Variants in PROKR2 observed in about 807,000 individuals in gnomAD.
PROKR2 encodes the protein prokineticin receptor 2, also known as G protein-coupled receptor 73-like 1.
Under a neutral mutation model 23.4 loss-of-function variants are expected in PROKR2, and 26 were observed. The observed-to-expected ratio is 1.11, with a 90% CI of 0.81 to 1.54. PROKR2 has a LOEUF of 1.54. Among genes scored for constraint, PROKR2 ranks in the 40% most tolerant of loss-of-function variants. The pLI is 0.00. For missense variants in PROKR2, 453 were observed against 511.5 expected (o/e 0.89, Z 1.10); for synonymous variants, 212 against 201.2 (o/e 1.05, Z -0.45).
At chr20:5,309,795 G>A (rs552565064) in intron 2 of PROKR2, among the ~76,000 whole-genome samples, 1,893 of 145,348 alleles carry the variant, frequency 0.013, 42 homozygotes, top group African/African-American at 0.046. Flanking sequence ...ACCATAAAAA[G>A]TATTTCAATA....
intron 2 of PROKR2, among the ~76,000 whole-genome samples, chr20:5,313,325 C>A (rs1330378205): frequency 6.6e-6 from 1 of 152,144 alleles, no homozygotes; most frequent in Non-Finnish European, 1.5e-5. Flanking sequence ...CACAAACAAA[C>A]CCTGTTATCT....
In PROKR2 at chr20:5,301,977, G is replaced by T; in HGVS notation, c.*63C>A. 5 of 1,456,364 alleles carry T rather than the reference G, an allele frequency of 3.4e-6. No homozygotes were observed. The South Asian group carries it at 4.7e-5, about 14-fold the overall frequency. 90.2% of individuals were successfully genotyped at this position (1,456,364 alleles called of 1,614,324 possible). A position where few individuals can be genotyped will look rare whatever the true frequency, so the allele number is the denominator to read the frequency against. On this transcript the variant is annotated 3_prime_UTR_variant, in exon 3 of 3. Coordinates refer to ENST00000678254, the MANE Select transcript of PROKR2 (RefSeq NM_144773.4). ...CATTTCCCATGCAGCCTATGAACTT[G>T]GTTGATGGTGGGTGATGCTCTGAGT...
At chr20:5,304,049 C>T in intron 2 of PROKR2, among the ~76,000 whole-genome samples, 2 of 152,142 alleles carry the variant, frequency 1.3e-5, no homozygotes, top group Non-Finnish European at 2.9e-5. Flanking sequence ...AGAGGTTCAT[C>T]CCTACTCTTC....
intron 2 of PROKR2, among the ~76,000 whole-genome samples, chr20:5,304,879 G>C (rs746888739): frequency 2.6e-5 from 4 of 152,146 alleles, no homozygotes; most frequent in Non-Finnish European, 4.4e-5. Flanking sequence ...AGCACATTTA[G>C]TTGATTATAT....
intron 2 of PROKR2, among the ~76,000 whole-genome samples, chr20:5,308,343 C>T (rs1382809326): frequency 6.6e-6 from 1 of 152,214 alleles, no homozygotes; most frequent in African/African-American, 2.4e-5. Flanking sequence ...ACCTGGCCCG[C>T]CCAGGGCAGA....
chr20:5,316,403 C>A lies in PROKR2; in HGVS notation c.-9+91G>T, dbSNP rs1461646100. On this transcript the variant is annotated intron_variant, in intron 1 of 2. Coordinates refer to ENST00000678254, the MANE Select transcript of PROKR2 (RefSeq NM_144773.4). The surrounding 1 kb of genome is among the most constrained non-coding windows in gnomAD (Gnocchi z 5.0). ...CGGGAGGCAAAGCAGCCGGAATGCC[C>A]GAGAAAAAAGTGGGCGTCAGAGGCC... 3 of 456,114 alleles carry A rather than the reference C, an allele frequency of 6.6e-6. No homozygotes were observed. The highest frequency in any genetic ancestry group is 1.3e-5 in the Non-Finnish European group (3 of 226,810). The allele number at this position is 456,114 out of a possible 1,614,324, so 28.3% of individuals were successfully genotyped here. A position where few individuals can be genotyped will look rare whatever the true frequency, so the allele number is the denominator to read the frequency against.
chr20:5,305,390 A>C (rs1271682824), intron 2 of PROKR2, among the ~76,000 whole-genome samples: 3 of 152,222 alleles, frequency 2.0e-5, no homozygotes, highest in Non-Finnish European at 4.4e-5. Context: ...AGCGGGGACG[A>C]TAGGATTACT....
Position 5,300,048 on chromosome 20 carries a change from C to T in PROKR2, c.*1992G>A, listed in dbSNP as rs1328038119. Among the ~76,000 whole-genome samples, 1 of 152,176 alleles carries T rather than the reference C, an allele frequency of 6.6e-6. No individual in the cohort carries two copies. Among genetic ancestry groups the T allele is most frequent in the African/African-American group, 2.4e-5 (1 of 41,444 alleles). On this transcript the variant is annotated 3_prime_UTR_variant, in exon 3 of 3. Transcript: ENST00000678254. ...CAAATAATAGAAACAATCAAACAAG[C>T]AAACAATTAATTCCTTGTCTATAAA...
intron 2 of PROKR2, among the ~76,000 whole-genome samples, chr20:5,312,860 T>C (rs1294089644): frequency 6.6e-6 from 1 of 152,218 alleles, no homozygotes; most frequent in Non-Finnish European, 1.5e-5. Flanking sequence ...AGATTTGTCA[T>C]AAACTGCTAT....
chr20:5,313,820 C>T, intron 2 of PROKR2, 92 bp downstream of exon 2: 2 of 1,096,188 alleles, frequency 1.8e-6, no homozygotes, highest in Non-Finnish European at 2.7e-6. Flanking sequence ...GGTGAGCATT[C>T]CTATCTGGAG....
At position 5,316,572 on chromosome 20, in the gene PROKR2, G is replaced by A. The variant is rs1194312952; in HGVS notation, c.-87C>T. On this transcript the variant is annotated 5_prime_UTR_variant, in exon 1 of 3. Coordinates refer to ENST00000678254, the MANE Select transcript of PROKR2 (RefSeq NM_144773.4). This position sits in a 1 kb window ranked among gnomAD's most constrained non-coding sequence, Gnocchi z 5.0. ...AGTCACAGTGTGGTTGGGCGCAGGC[G>A]GGCCGCTCGGTTTTCACCTCGAGGA... The A allele has an allele frequency of 3.0e-6, 1 of 337,262 alleles. No homozygotes were observed. Among genetic ancestry groups the A allele is most frequent in the African/African-American group, 2.2e-5 (1 of 46,274 alleles). 20.9% of individuals were successfully genotyped at this position (337,262 alleles called of 1,614,324 possible). A position where few individuals can be genotyped will look rare whatever the true frequency, so the allele number is the denominator to read the frequency against.
At position 5,302,181 on chromosome 20, in the gene PROKR2, G is replaced by A; in HGVS notation, c.1014C>T (p.Asn338=). The change falls in exon 3 of 3, where the codon AAC becomes AAT. Residue 338 remains asparagine (N), a synonymous_variant. Coordinates refer to ENST00000678254, the MANE Select transcript of PROKR2 (RefSeq NM_144773.4). ...TCTTCTTGAAGTACTTCATGGTGTT[G>A]TTCTTGACCGTCACGAAGCACACGG... ...INTVCFVTVK[N]NTMKYFKKMM... The A allele has an allele frequency of 6.2e-7, 1 of 1,614,228 alleles. No homozygotes were observed. Among genetic ancestry groups the A allele is most frequent in the Non-Finnish European group, 8.5e-7 (1 of 1,180,048 alleles).
intron 2 of PROKR2, among the ~76,000 whole-genome samples, chr20:5,310,671 T>C (rs2122217913): frequency 2.6e-5 from 1 of 38,078 alleles, no homozygotes; most frequent in South Asian, 8.4e-4. Flanking sequence ...CTCCCACCTC[T>C]GGAAGAACTC....
chr20:5,305,452 C>T (rs1165267629), intron 2 of PROKR2, among the ~76,000 whole-genome samples: 1 of 152,204 alleles, frequency 6.6e-6, no homozygotes, highest in African/African-American at 2.4e-5. Context: ...ATACAGGAGT[C>T]GTTGATTCAG....
chr20:5,311,186 A>G (rs1421571452), intron 2 of PROKR2, among the ~76,000 whole-genome samples: 1 of 152,232 alleles, frequency 6.6e-6, no homozygotes, highest in East Asian at 1.9e-4. Context: ...GAAGAGCATT[A>G]TGATGGCCCA....
chr20:5,313,799 C>T lies in PROKR2; in HGVS notation c.458+113G>A, dbSNP rs940417149. On this transcript the variant is annotated intron_variant, in intron 2 of 2. Transcript: ENST00000678254. ...TGGAGAAACAAGACCTCCTCTTGCC[C>T]TCCAAAGATTGGTGAGCATTCCTAT... 1.4e-5 allele frequency: 13 copies of T among 918,908 alleles called. No homozygotes were observed. The African/African-American group carries it at 1.5e-4, about 10-fold the overall frequency. 56.9% of individuals were successfully genotyped at this position (918,908 alleles called of 1,614,324 possible). A position where few individuals can be genotyped will look rare whatever the true frequency, so the allele number is the denominator to read the frequency against.
In PROKR2 at chr20:5,310,067, G is replaced by A. The variant is rs533872982; in HGVS notation, c.458+3845C>T. Among the ~76,000 whole-genome samples the A allele has an allele frequency of 2.0e-5, 3 of 152,246 alleles. No individual in the cohort carries two copies. In the South Asian group the frequency reaches 6.2e-4, roughly 32 times the overall value. Reference sequence around the variant, plus strand: ...CTCAGTTTCTTCATCTGTGAAGTGGGGATAATTAATAAGATCACTGACAAC... The same window carrying A: ...CTCAGTTTCTTCATCTGTGAAGTGGAGATAATTAATAAGATCACTGACAAC... On this transcript the variant is annotated intron_variant, in intron 2 of 2. Coordinates refer to ENST00000678254, the MANE Select transcript of PROKR2 (RefSeq NM_144773.4).
intron 1 of PROKR2, chr20:5,315,995 G>C (rs916698375): frequency 3.3e-5 from 15 of 456,486 alleles, no homozygotes; most frequent in Admixed American, 9.4e-5. Context: ...CCCCATCAAC[G>C]CGGCCGCACT....
chr20:5,303,785 G>A (rs1979103859), intron 2 of PROKR2, among the ~76,000 whole-genome samples: 1 of 152,148 alleles, frequency 6.6e-6, no homozygotes, highest in Admixed American at 6.5e-5. Flanking sequence ...CCCTGGAAAT[G>A]AACGTGTACT....
Sources: allele counts gnomAD v4.1 joint callset (sites outside exome capture counted in the v4.1 genomes callset), GRCh38; gene constraint gnomAD v4.1.1; non-coding constraint Gnocchi (gnomAD v3.1); transcripts MANE v1.5; gene names NCBI Gene and HGNC (gene_info 2026-07-23, HGNC 2026-07-21).